CNTNAP2: variants seen among roughly 807,000 people sequenced by gnomAD.
CNTNAP2 encodes contactin associated protein 2, also known as contactin-associated protein-like 2.
A neutral mutation model predicts 155.2 loss-of-function variants in CNTNAP2; 98 were observed. The observed-to-expected ratio is 0.63, with a 90% CI of 0.54 to 0.75. CNTNAP2 has a LOEUF of 0.75. Among genes scored for constraint, CNTNAP2 ranks in the 30% least tolerant of loss-of-function variants. CNTNAP2 has a pLI of 0.00. For synonymous variants in CNTNAP2, 651 were observed against 631.2 expected (o/e 1.03, Z -0.47); for missense variants, 1,727 against 1,688.1 (o/e 1.02, Z -0.40).
At chr7:146,151,646 A>G (rs1366706102) in intron 1 of CNTNAP2, among the ~76,000 whole-genome samples, 1 of 70,282 alleles carries the variant, frequency 1.4e-5, no homozygotes, top group Non-Finnish European at 3.2e-5. Context: ...ATATATATAT[A>G]TATATATATA....
At chr7:147,808,909 G>T (rs1156453650) in intron 13 of CNTNAP2, among the ~76,000 whole-genome samples, 1 of 152,132 alleles carries the variant, frequency 6.6e-6, no homozygotes, top group Non-Finnish European at 1.5e-5. Flanking sequence ...CAGGCAGTAG[G>T]ATATACTCAT....
At chr7:148,024,740 A>G (rs1213546179) in intron 15 of CNTNAP2, among the ~76,000 whole-genome samples, 1 of 152,256 alleles carries the variant, frequency 6.6e-6, no homozygotes, top group African/African-American at 2.4e-5. Context: ...ATCAAATTGC[A>G]TACGGGATGT....
At chr7:147,395,583 A>G (rs1330659894) in intron 9 of CNTNAP2, 26 bp from the exon 10 acceptor site, 2 of 1,609,798 alleles carry the variant, frequency 1.2e-6, no homozygotes, top group South Asian at 1.1e-5. Context: ...CACCAGATTT[A>G]CATTCCCATT....
intron 10 of CNTNAP2, among the ~76,000 whole-genome samples, chr7:147,451,241 C>A (rs1797828380): frequency 6.6e-6 from 1 of 152,150 alleles, no homozygotes; most frequent in African/African-American, 2.4e-5. Flanking sequence ...GCCATAGAGT[C>A]TCCTTGACAC....
intron 11 of CNTNAP2, among the ~76,000 whole-genome samples, chr7:147,544,175 A>G (rs1799688362): frequency 6.6e-6 from 1 of 152,212 alleles, no homozygotes; most frequent in Non-Finnish European, 1.5e-5. Context: ...GTGTAAATGT[A>G]CAACATATAA....
chr7:146,462,409 C>T (rs145635917), intron 1 of CNTNAP2, among the ~76,000 whole-genome samples: 3 of 152,306 alleles, frequency 2.0e-5, no homozygotes, highest in African/African-American at 7.2e-5. Context: ...TATTTCCCTA[C>T]ACAGCCACAT....
intron 13 of CNTNAP2, among the ~76,000 whole-genome samples, chr7:147,873,020 A>G (rs1170065336): frequency 6.6e-6 from 1 of 152,238 alleles, no homozygotes; most frequent in Non-Finnish European, 1.5e-5. Flanking sequence ...AAGTGCTAAC[A>G]AAAATTTGAG....
intron 14 of CNTNAP2, among the ~76,000 whole-genome samples, chr7:147,959,863 C>A (rs1482899936): frequency 6.6e-6 from 1 of 152,102 alleles, no homozygotes; most frequent in South Asian, 2.1e-4. Flanking sequence ...CCAGTTGGTA[C>A]CTCAACTTCA....
intron 15 of CNTNAP2, among the ~76,000 whole-genome samples, chr7:148,082,392 T>C (rs913578126): frequency 2.0e-5 from 3 of 152,158 alleles, no homozygotes; most frequent in Non-Finnish European, 2.9e-5. Context: ...TTTTCTCTTA[T>C]GAGTTATGGG....
At chr7:146,404,294 A>G (rs1795759239) in intron 1 of CNTNAP2, among the ~76,000 whole-genome samples, 1 of 152,170 alleles carries the variant, frequency 6.6e-6, no homozygotes, top group Non-Finnish European at 1.5e-5. Context: ...ATGGGGACGC[A>G]GAGAAGCCAG....
chr7:147,853,987 G>A (rs779223564), intron 13 of CNTNAP2, among the ~76,000 whole-genome samples: 5 of 152,136 alleles, frequency 3.3e-5, no homozygotes, highest in African/African-American at 7.2e-5. Context: ...TAAAAATGGC[G>A]TTCAAAATTC....
chr7:147,167,899 T>C (rs1802145919), intron 8 of CNTNAP2, among the ~76,000 whole-genome samples: 1 of 151,946 alleles, frequency 6.6e-6, no homozygotes, highest in Non-Finnish European at 1.5e-5. Context: ...CCTTTTCATT[T>C]AGAATCAGAA....
intron 21 of CNTNAP2, among the ~76,000 whole-genome samples, chr7:148,350,772 C>T (rs1166043443): frequency 6.6e-6 from 1 of 152,190 alleles, no homozygotes; most frequent in Non-Finnish European, 1.5e-5. Context: ...TCTTTCAAAT[C>T]CCTCTGTGAG....
chr7:147,832,790 TTAAC>T (rs1798573357), intron 13 of CNTNAP2, among the ~76,000 whole-genome samples: 1 of 147,234 alleles, frequency 6.8e-6, no homozygotes. Flanking sequence ...TAATTATATA[TTAAC>T]TATGTAATTT....
chr7:146,886,065 A>G (rs1585139051), intron 3 of CNTNAP2, among the ~76,000 whole-genome samples: 1 of 151,428 alleles, frequency 6.6e-6, no homozygotes, highest in Admixed American at 6.6e-5. Flanking sequence ...AGTTAACCCA[A>G]TTGTTTCTCT....
intron 2 of CNTNAP2, among the ~76,000 whole-genome samples, chr7:146,833,829 C>A (rs1585113683): frequency 6.6e-6 from 1 of 152,168 alleles, no homozygotes; most frequent in East Asian, 1.9e-4. Flanking sequence ...GCTTCAGCCC[C>A]ACTCATTGCT....
intron 10 of CNTNAP2, among the ~76,000 whole-genome samples, chr7:147,465,760 G>T (rs938842783): frequency 1.3e-5 from 2 of 152,160 alleles, no homozygotes; most frequent in Non-Finnish European, 2.9e-5. Flanking sequence ...GTGCCCCAAA[G>T]TCATGGGAGA....
intron 8 of CNTNAP2, among the ~76,000 whole-genome samples, chr7:147,228,900 T>A (rs1336313746): frequency 1.3e-5 from 2 of 150,558 alleles, no homozygotes; most frequent in Non-Finnish European, 3.0e-5. Context: ...AGTGAAAACA[T>A]GCAGTGTTTG....
chr7:147,145,441 A>T (rs1801683392), intron 8 of CNTNAP2, among the ~76,000 whole-genome samples: 1 of 152,102 alleles, frequency 6.6e-6, no homozygotes, highest in Non-Finnish European at 1.5e-5. Flanking sequence ...TGCACCTCCC[A>T]CCAAACAAAG....
Sources: allele counts gnomAD v4.1 joint callset (sites outside exome capture counted in the v4.1 genomes callset), GRCh38; gene constraint gnomAD v4.1.1; transcripts MANE v1.5; gene names NCBI Gene and HGNC (gene_info 2026-07-23, HGNC 2026-07-21).